Variants in RILPL1 observed in about 807,000 individuals in gnomAD.
The protein encoded by RILPL1 is Rab interacting lysosomal protein like 1.
In RILPL1, 33 loss-of-function variants were observed where a neutral mutation model predicts 50.3. The ratio of observed to expected loss-of-function variants is 0.66; its 90% CI spans 0.50 to 0.88. The LOEUF is 0.88. RILPL1 is among the 40% of genes least tolerant of loss of function. The probability of loss-of-function intolerance (pLI) is 0.00; values close to 1 mark genes in which losing one functional copy is unlikely to be tolerated. For missense variants in RILPL1, 418 were observed against 542.5 expected (o/e 0.77, Z 2.28); for synonymous variants, 205 against 228.6 (o/e 0.90, Z 0.93).
chr12:123,492,512 G>C (rs1882766816), intron 4 of RILPL1, among the ~76,000 whole-genome samples: 1 of 152,160 alleles, frequency 6.6e-6, no homozygotes. Flanking sequence ...GGACACAATA[G>C]CTGAAGTGCA....
intron 2 of RILPL1, among the ~76,000 whole-genome samples, chr12:123,501,056 C>T (rs941870395): frequency 3.3e-5 from 5 of 151,560 alleles, no homozygotes; most frequent in Admixed American, 6.6e-5. Context: ...TGCAGTGAGC[C>T]GAGATCGTGC....
chr12:123,484,025 G>A (rs1277781144), intron 6 of RILPL1, among the ~76,000 whole-genome samples, 155 bp downstream of exon 6: 1 of 152,194 alleles, frequency 6.6e-6, no homozygotes, highest in Non-Finnish European at 1.5e-5. Flanking sequence ...TTCAGGAAGG[G>A]AGATGAACTC....
At chr12:123,531,977 C>T (rs1885454589) in intron 1 of RILPL1, among the ~76,000 whole-genome samples, 1 of 152,216 alleles carries the variant, frequency 6.6e-6, no homozygotes, top group Non-Finnish European at 1.5e-5. Flanking sequence ...GGCATAGGGA[C>T]CCATGAGGAC....
intron 2 of RILPL1, among the ~76,000 whole-genome samples, chr12:123,518,623 C>T (rs561153333): frequency 7.2e-5 from 11 of 151,744 alleles, no homozygotes; most frequent in South Asian, 2.1e-4. Context: ...CATATGTATT[C>T]TACCACATTT....
In RILPL1 at chr12:123,480,526, T is replaced by TC. The variant is rs140548183; in HGVS notation, c.1067+3653dup. 1.4e-4 allele frequency among the ~76,000 whole-genome samples: 21 copies of TC among 152,038 alleles called. 1 individual carries two copies. In the East Asian group the frequency reaches 4.1e-3, roughly 29 times the overall value. ...AGGATGCAGAACACAAGTCTCTTGA[T>TC]CTCCCCCTCCCTCAGCCCATGCAGA... is the stretch of plus-strand genomic sequence containing the variant. On this transcript the variant is annotated intron_variant, in intron 6 of 6. Transcript: ENST00000376874.
Position 123,503,239 on chromosome 12 carries a change from A to T in RILPL1, c.461-3703T>A, listed in dbSNP as rs61953530. On this transcript the variant is annotated intron_variant, in intron 2 of 6. Coordinates refer to ENST00000376874, the MANE Select transcript of RILPL1 (RefSeq NM_178314.5). ...TTTTTGAGACAGAGTCTCACTCTGT[A>T]GCCCAGGCTGGAGTGCAGTGGCGCG... Among the ~76,000 whole-genome samples the T allele has an allele frequency of 3.8e-5, 4 of 106,070 alleles. No homozygotes were observed. The East Asian group carries it at 9.9e-4, about 26-fold the overall frequency. 69.6% of individuals were successfully genotyped at this position (106,070 alleles called of 152,430 possible).
chr12:123,474,248 A>G (rs988478478), intron 6 of RILPL1: 2 of 152,300 alleles, frequency 1.3e-5, no homozygotes, highest in African/African-American at 2.4e-5. Flanking sequence ...GACCCTGGTC[A>G]GTGAACCTGA....
At position 123,470,659 on chromosome 12, in the gene RILPL1, A is replaced by T. The variant is rs1881147728; in HGVS notation, c.*1879T>A. ...ATTAGTCAGGTATGGTGGCACACAC[A>T]TGTAGTCCCAGCTACTTGGGAGGCT... On this transcript the variant is annotated 3_prime_UTR_variant, in exon 7 of 7. Coordinates refer to ENST00000376874, the MANE Select transcript of RILPL1 (RefSeq NM_178314.5). 1 of 151,596 alleles carries T rather than the reference A, an allele frequency of 6.6e-6. No individual in the cohort carries two copies. The highest frequency in any genetic ancestry group is 2.1e-4 in the South Asian group (1 of 4,790). The allele number at this position is 151,596 out of a possible 1,614,324, so 9.4% of individuals were successfully genotyped here. A position where few individuals can be genotyped will look rare whatever the true frequency, so the allele number is the denominator to read the frequency against.
intron 4 of RILPL1, among the ~76,000 whole-genome samples, chr12:123,494,476 C>T (rs778889855): frequency 8.5e-5 from 13 of 152,170 alleles, no homozygotes; most frequent in African/African-American, 2.9e-4. Context: ...CAGGCAGTCG[C>T]GCCAAGGTGG....
At chr12:123,484,019 G>A (rs1882161814) in intron 6 of RILPL1, among the ~76,000 whole-genome samples, 161 bp downstream of exon 6, 2 of 152,204 alleles carry the variant, frequency 1.3e-5, no homozygotes, top group African/African-American at 4.8e-5. Flanking sequence ...TCAGCATTCA[G>A]GAAGGGAGAT....
chr12:123,490,816 T>C (rs966741552), intron 4 of RILPL1, among the ~76,000 whole-genome samples: 1 of 150,996 alleles, frequency 6.6e-6, no homozygotes, highest in Middle Eastern at 3.5e-3. Flanking sequence ...AATGGCATGA[T>C]CTCAGCTCAC....
intron 2 of RILPL1, among the ~76,000 whole-genome samples, chr12:123,505,560 C>T (rs946604356): frequency 2.6e-5 from 4 of 152,106 alleles, no homozygotes; most frequent in African/African-American, 4.8e-5. Flanking sequence ...TCAAGCAATC[C>T]TCCCACCTGA....
At chr12:123,517,939 C>T (rs562575756) in intron 2 of RILPL1, among the ~76,000 whole-genome samples, 8 of 152,116 alleles carry the variant, frequency 5.3e-5, no homozygotes, top group East Asian at 1.9e-4. Context: ...GGATAAACCT[C>T]GAAAACATGT....
At position 123,491,644 on chromosome 12, in the gene RILPL1, A is replaced by T. The variant is rs1350117520; in HGVS notation, c.802-5839T>A. On this transcript the variant is annotated intron_variant, in intron 4 of 6. Transcript: ENST00000376874. The surrounding 1 kb of genome is among the most constrained non-coding windows in gnomAD (Gnocchi z 4.0). ...CATAAATTCTGCCCGCCTTTCAGCCAGCATACGCCTGTCTGCTTTCCCTAT... is the reference window on the plus strand; with the variant it reads ...CATAAATTCTGCCCGCCTTTCAGCCTGCATACGCCTGTCTGCTTTCCCTAT... Among the ~76,000 whole-genome samples, 1 of 152,220 alleles carries T rather than the reference A, an allele frequency of 6.6e-6. No homozygotes were observed. The highest frequency in any genetic ancestry group is 1.5e-5 in the Non-Finnish European group (1 of 68,034).
intron 2 of RILPL1, among the ~76,000 whole-genome samples, chr12:123,521,672 AATAT>A (rs1408500139): frequency 1.6e-4 from 4 of 25,106 alleles, no homozygotes; most frequent in Admixed American, 4.7e-4. Flanking sequence ...TATATATATA[AATAT>A]ATATATATAC....
At position 123,491,661 on chromosome 12, in the gene RILPL1, T is replaced by A. The variant is rs1191631533; in HGVS notation, c.802-5856A>T. ...TTTCAGCCAGCATACGCCTGTCTGC[T>A]TTCCCTATGCAGGCAGCCCGCACTT... On this transcript the variant is annotated intron_variant, in intron 4 of 6. Coordinates refer to ENST00000376874, the MANE Select transcript of RILPL1 (RefSeq NM_178314.5). The surrounding 1 kb of genome is among the most constrained non-coding windows in gnomAD (Gnocchi z 4.0). Among the ~76,000 whole-genome samples the A allele has an allele frequency of 6.6e-6, 1 of 152,210 alleles. No homozygotes were observed. The highest frequency in any genetic ancestry group is 2.4e-5 in the African/African-American group (1 of 41,464).
At chr12:123,511,846 GGTCTGT>G (rs1257165335) in intron 2 of RILPL1, among the ~76,000 whole-genome samples, 8 of 131,350 alleles carry the variant, frequency 6.1e-5, no homozygotes, top group Non-Finnish European at 8.0e-5. Context: ...GTATGTGTGA[GGTCTGT>G]GTCTGTGTGT....
intron 1 of RILPL1, among the ~76,000 whole-genome samples, chr12:123,526,771 C>T (rs368878061): frequency 4.6e-5 from 7 of 152,066 alleles, no homozygotes; most frequent in African/African-American, 7.2e-5. Context: ...AGGGCAGGGC[C>T]GGGGTGGAAG....
intron 3 of RILPL1, 74 bp downstream of exon 3, chr12:123,499,344 G>A (rs1883222272): frequency 2.0e-6 from 2 of 978,064 alleles, no homozygotes; most frequent in Non-Finnish European, 3.3e-6. Flanking sequence ...GGGGCCTGCT[G>A]AGTGGAGGGT....
Sources: allele counts gnomAD v4.1 joint callset (sites outside exome capture counted in the v4.1 genomes callset), GRCh38; gene constraint gnomAD v4.1.1; non-coding constraint Gnocchi (gnomAD v3.1); transcripts MANE v1.5; gene names NCBI Gene and HGNC (gene_info 2026-07-23, HGNC 2026-07-21).